The following KIAA2012 variants were observed in gnomAD, a reference collection of about 807,000 sequenced individuals.
KIAA2012 encodes KIAA2012, also known as uncharacterized protein KIAA2012.
Under a neutral mutation model 150.6 loss-of-function variants are expected in KIAA2012, and 125 were observed. The ratio of observed to expected loss-of-function variants is 0.83; its 90% CI spans 0.72 to 0.96. KIAA2012 has a LOEUF of 0.96. Among genes scored for constraint, KIAA2012 ranks in the 40% least tolerant of loss-of-function variants. KIAA2012 has a pLI of 0.00. For missense variants in KIAA2012, 1,219 were observed against 1,354.9 expected (o/e 0.90, Z 1.57); for synonymous variants, 462 against 504.7 (o/e 0.92, Z 1.13).
intron 14 of KIAA2012, among the ~76,000 whole-genome samples, chr2:202,161,364 T>G (rs1035298197): frequency 6.6e-6 from 1 of 152,220 alleles, no homozygotes; most frequent in Non-Finnish European, 1.5e-5. Context: ...GTGGTTTGCT[T>G]GAAATTCTTT....
At chr2:202,082,976 G>C (rs926262618) in intron 2 of KIAA2012, among the ~76,000 whole-genome samples, 1 of 152,018 alleles carries the variant, frequency 6.6e-6, no homozygotes, top group African/African-American at 2.4e-5. Flanking sequence ...CATCAAGACA[G>C]GATTACAAAT....
At chr2:202,138,280 G>A in intron 12 of KIAA2012, 152 bp from the exon 13 acceptor site, 1 of 622,536 alleles carries the variant, frequency 1.6e-6, no homozygotes, top group Non-Finnish European at 2.9e-6. Flanking sequence ...GGTGTTTTTT[G>A]GTGAGTAAAT....
In KIAA2012 at chr2:202,133,032, G is replaced by C. The variant is rs1330809416; in HGVS notation, c.1832-5400G>C. ...AGGTGGAAGAATGGCGTGAACCTAGGAGGTGGAGCTTGCAGTGAGCCAAGA... is the reference window on the plus strand; with the variant it reads ...AGGTGGAAGAATGGCGTGAACCTAGCAGGTGGAGCTTGCAGTGAGCCAAGA... On this transcript the variant is annotated intron_variant, in intron 12 of 23. Coordinates refer to ENST00000498697, the MANE Select transcript of KIAA2012 (RefSeq NM_001277372.4). 6.4e-5 allele frequency among the ~76,000 whole-genome samples: 9 copies of C among 141,730 alleles called. No homozygotes were observed. In the East Asian group the frequency reaches 1.8e-3, roughly 28 times the overall value. 93.0% of individuals were successfully genotyped at this position (141,730 alleles called of 152,430 possible).
chr2:202,115,485 TTA>T (rs1322862515), intron 11 of KIAA2012: 1 of 152,216 alleles, frequency 6.6e-6, no homozygotes, highest in African/African-American at 2.4e-5. Flanking sequence ...AACATTTTCC[TTA>T]ATAAATCCAC....
At chr2:202,171,847 CTTT>C (rs60916677) in intron 15 of KIAA2012, among the ~76,000 whole-genome samples, 3 of 116,722 alleles carry the variant, frequency 2.6e-5, no homozygotes, top group African/African-American at 6.8e-5. Flanking sequence ...TTGGCATTTA[CTTT>C]TTTTTTTTTT....
At chr2:202,187,649 C>T (rs1375809994) in intron 17 of KIAA2012, among the ~76,000 whole-genome samples, 3 of 152,192 alleles carry the variant, frequency 2.0e-5, no homozygotes, top group Admixed American at 6.5e-5. Flanking sequence ...GTAGTCATGA[C>T]CCCACTCTGC....
intron 15 of KIAA2012, among the ~76,000 whole-genome samples, chr2:202,180,553 T>C (rs1294954343): frequency 6.6e-6 from 1 of 152,134 alleles, no homozygotes; most frequent in Admixed American, 6.6e-5. Context: ...GACCAGATGC[T>C]GTGGTTCACA....
chr2:202,075,464 T>C (rs1342429066), intron 2 of KIAA2012, among the ~76,000 whole-genome samples: 3 of 152,208 alleles, frequency 2.0e-5, no homozygotes, highest in Admixed American at 2.0e-4. Flanking sequence ...AAAGTCCTTT[T>C]CAGCATTCAG....
intron 15 of KIAA2012, among the ~76,000 whole-genome samples, chr2:202,166,675 A>C (rs955998149): frequency 1.5e-5 from 1 of 64,654 alleles, no homozygotes; most frequent in Non-Finnish European, 3.9e-5. Context: ...AACAAAAACA[A>C]AAAAAAAAAG....
intron 21 of KIAA2012, 141 bp from the exon 22 acceptor site, chr2:202,196,659 G>A: frequency 2.0e-6 from 2 of 991,110 alleles, no homozygotes; most frequent in Middle Eastern, 2.2e-4. Context: ...TCCCCAGAGA[G>A]GATCTGGCAG....
At chr2:202,157,869 G>A (rs975962246) in intron 14 of KIAA2012, among the ~76,000 whole-genome samples, 2 of 152,130 alleles carry the variant, frequency 1.3e-5, no homozygotes, top group Admixed American at 6.5e-5. Context: ...CATTCCTATG[G>A]ACACATTCCA....
At chr2:202,187,172 A>G in intron 17 of KIAA2012, 74 bp downstream of exon 17, 2 of 1,481,390 alleles carry the variant, frequency 1.4e-6, no homozygotes, top group East Asian at 4.9e-5. Flanking sequence ...GCACAGTTGT[A>G]TAGATTGCTC....
rs1354361069 is a variant in KIAA2012, at chr2:202,130,353, C to T, written c.1831+5071C>T. On this transcript the variant is annotated intron_variant, in intron 12 of 23. Transcript: ENST00000498697. The stretch of plus-strand genomic sequence containing the variant: ...GTCCTTCCCAAGTAGCCAGGATCTG[C>T]TGTTCATTTAGTGCATGATATGCAT... Among the ~76,000 whole-genome samples the T allele has an allele frequency of 2.0e-5, 3 of 152,304 alleles. No homozygotes were observed. In the East Asian group the frequency reaches 5.8e-4, roughly 29 times the overall value.
chr2:202,080,313 T>C (rs946968390), intron 2 of KIAA2012, among the ~76,000 whole-genome samples: 5 of 152,200 alleles, frequency 3.3e-5, no homozygotes, highest in Admixed American at 6.5e-5. Context: ...TATAATAAGC[T>C]ATATATATGA....
chr2:202,167,481 T>A (rs1157340131), intron 15 of KIAA2012, among the ~76,000 whole-genome samples: 1 of 152,216 alleles, frequency 6.6e-6, no homozygotes, highest in Non-Finnish European at 1.5e-5. Flanking sequence ...GTTTCCAGTA[T>A]GTATTTCCCT....
Position 202,193,322 on chromosome 2 carries a change from C to G in KIAA2012, c.2833C>G (p.Gln945Glu), listed in dbSNP as rs1692353744. The G allele has an allele frequency of 6.5e-7, 1 of 1,549,726 alleles. No individual in the cohort carries two copies. Among genetic ancestry groups the G allele is most frequent in the Non-Finnish European group, 8.7e-7 (1 of 1,146,792 alleles). ...TTAGGCCCTCCTCACTAAGAGGGAG[C>G]AGGAGAAGGCTTCCTGGGACAGGCT... is the stretch of plus-strand genomic sequence containing the variant. Reference protein sequence around the residue: ...PSKALLTKREQEKASWDRLRA... With the variant: ...PSKALLTKREEEKASWDRLRA... Residue 945 changes from glutamine (Q) to glutamate (E), a missense_variant, in exon 20 of 24, where the codon CAG becomes GAG. Gln to Glu is a conservative substitution (Grantham distance 29). Transcript: ENST00000498697.
chr2:202,111,340 CAAAAAAAA>C (rs67625607), intron 10 of KIAA2012, among the ~76,000 whole-genome samples: 1 of 83,856 alleles, frequency 1.2e-5, no homozygotes, highest in African/African-American at 5.2e-5. Context: ...ACTAAAAATA[CAAAAAAAA>C]AAAAAAAAAA....
At chr2:202,201,158 A>G (rs1479800203) in intron 22 of KIAA2012, among the ~76,000 whole-genome samples, 1 of 152,194 alleles carries the variant, frequency 6.6e-6, no homozygotes, top group East Asian at 1.9e-4. Flanking sequence ...CATTTTATGA[A>G]TGGATACCTC....
intron 15 of KIAA2012, chr2:202,179,727 T>C (rs1692077766): frequency 1.5e-6 from 1 of 657,292 alleles, no homozygotes; most frequent in South Asian, 1.4e-5. Flanking sequence ...GACAACCATA[T>C]TTATTTCAGT....
Sources: allele counts gnomAD v4.1 joint callset (sites outside exome capture counted in the v4.1 genomes callset), GRCh38; gene constraint gnomAD v4.1.1; transcripts MANE v1.5; gene names NCBI Gene and HGNC (gene_info 2026-07-23, HGNC 2026-07-21).